DNAJB12: variants seen among roughly 807,000 people sequenced by gnomAD.
DNAJB12 encodes the protein DnaJ heat shock protein family (Hsp40) member B12.
In DNAJB12, 14 loss-of-function variants were observed where a neutral mutation model predicts 40.6. The ratio of observed to expected loss-of-function variants is 0.34; its 90% CI spans 0.23 to 0.54. DNAJB12 has a LOEUF of 0.54. Among genes scored for constraint, DNAJB12 ranks in the 20% least tolerant of loss-of-function variants. The pLI, the probability that DNAJB12 is intolerant of heterozygous loss-of-function variation, is 0.92. For missense variants in DNAJB12, 444 were observed against 501.7 expected, an observed-to-expected ratio of 0.89 and a Z score of 1.10; for synonymous variants, 181 against 199.5, an observed-to-expected ratio of 0.91 and a Z score of 0.78.
chr10:72,345,071 T>G lies in DNAJB12; in HGVS notation c.190A>C (p.Thr64Pro), dbSNP rs920079937. ...PQTAGDQPPPTDTTHATHRKA... is the reference protein window; with the variant it reads ...PQTAGDQPPPPDTTHATHRKA... ...CTGTGGGTGGCATGGGTTGTGTCTG[T>G]GGGTGGGGGTTGGTCACCGGCAGTC... The change falls in exon 2 of 9, where the codon ACA becomes CCA. Residue 64 changes from threonine to proline, a missense_variant. Transcript: ENST00000444643. The G allele has an allele frequency of 1.2e-6, 2 of 1,614,120 alleles. No homozygotes were observed. The highest frequency in any genetic ancestry group is 1.7e-6 in the Non-Finnish European group (2 of 1,179,996).
Position 72,335,094 on chromosome 10 carries a change from G to A in DNAJB12, c.*31-477C>T, listed in dbSNP as rs1757554459. On this transcript the variant is annotated intron_variant, in intron 8 of 8. Coordinates refer to ENST00000444643, the MANE Select transcript of DNAJB12 (RefSeq NM_017626.7). The surrounding 1 kb of genome is among the most constrained non-coding windows in gnomAD (Gnocchi z 4.4). ...CTGTTCCCTTCCTCAGACCGCAGGCGAGATGCCTGGGCAAGGCCGGATGCC... is the reference window on the plus strand; with the variant it reads ...CTGTTCCCTTCCTCAGACCGCAGGCAAGATGCCTGGGCAAGGCCGGATGCC... 11 of 991,214 alleles carry A rather than the reference G, an allele frequency of 1.1e-5. No homozygotes were observed. The highest frequency in any genetic ancestry group is 1.7e-5 in the African/African-American group (1 of 57,404). The allele number at this position is 991,214 out of a possible 1,614,324, so 61.4% of individuals were successfully genotyped here.
chr10:72,337,127 C>T (rs1861500026), intron 6 of DNAJB12, among the ~76,000 whole-genome samples: 1 of 152,198 alleles, frequency 6.6e-6, no homozygotes, highest in South Asian at 2.1e-4. Context: ...GGAAGGGCTC[C>T]AGGGAGCCTT....
chr10:72,344,926 TC>T, intron 2 of DNAJB12, 23 bp downstream of exon 2: 1 of 1,613,850 alleles, frequency 6.2e-7, no homozygotes, highest in Non-Finnish European at 8.5e-7. Flanking sequence ...CTCCCCAGGC[TC>T]CAGCCCCTGC....
intron 3 of DNAJB12, among the ~76,000 whole-genome samples, chr10:72,342,665 G>A (rs1360410691): frequency 1.3e-5 from 2 of 152,224 alleles, no homozygotes; most frequent in African/African-American, 4.8e-5. Flanking sequence ...CCAAGGAGGT[G>A]GATGAAGTGG....
intron 1 of DNAJB12, 87 bp from the exon 2 acceptor site, chr10:72,345,214 C>G: frequency 2.0e-6 from 3 of 1,498,392 alleles, no homozygotes; most frequent in Admixed American, 2.0e-5. Context: ...CACTCACTTC[C>G]CCTCCCAGCA....
At chr10:72,336,989 G>T in intron 6 of DNAJB12, 1 of 277,684 alleles carries the variant, frequency 3.6e-6, no homozygotes, top group Non-Finnish European at 6.8e-6. Context: ...AGACCTGAGA[G>T]GGAATCTGGG....
chr10:72,343,471 T>G lies in DNAJB12; in HGVS notation c.352A>C (p.Ser118Arg). Reference sequence around the variant, plus strand: ...AGGTCCTCATCCGAGGCCCCTCTGCTCACCCCCAGGATCTCATAGTAATCT... The same window carrying G: ...AGGTCCTCATCCGAGGCCCCTCTGCGCACCCCCAGGATCTCATAGTAATCT... ...CKDYYEILGV[S>R]RGASDEDLKK... Residue 118 changes from serine to arginine, a missense_variant, in exon 3 of 9, where the codon AGC (serine) becomes CGC (arginine). Coordinates refer to ENST00000444643, the MANE Select transcript of DNAJB12 (RefSeq NM_017626.7). The G allele has an allele frequency of 6.2e-7, 1 of 1,614,156 alleles. No individual in the cohort carries two copies. Among genetic ancestry groups the G allele is most frequent in the Non-Finnish European group, 8.5e-7 (1 of 1,180,022 alleles).
rs1861435318 is a variant in DNAJB12 at position 72,335,172 on chromosome 10, C to A, written c.*31-555G>T. 2.0e-6 allele frequency: 2 copies of A among 987,730 alleles called. No individual in the cohort carries two copies. The highest frequency in any genetic ancestry group is 6.1e-5 in the Admixed American group (1 of 16,476). The allele number at this position is 987,730 out of a possible 1,614,324, so 61.2% of individuals were successfully genotyped here. Reference sequence around the variant, plus strand: ...GGCATTCGAGAGAGTGCCTCAGATCCCACCAGAGGGGGGTGGTCAGGGCCC... The same window carrying A: ...GGCATTCGAGAGAGTGCCTCAGATCACACCAGAGGGGGGTGGTCAGGGCCC... On this transcript the variant is annotated intron_variant, in intron 8 of 8. Coordinates refer to ENST00000444643, the MANE Select transcript of DNAJB12 (RefSeq NM_017626.7). This position sits in a 1 kb window ranked among gnomAD's most constrained non-coding sequence, Gnocchi z 4.4.
intron 3 of DNAJB12, among the ~76,000 whole-genome samples, chr10:72,342,394 A>T (rs945208105): frequency 3.9e-5 from 6 of 152,262 alleles, no homozygotes; most frequent in South Asian, 4.2e-4. Context: ...CTCCTCCGCC[A>T]ATTCTGAATA....
chr10:72,352,720 G>A (rs1292065848), intron 1 of DNAJB12, among the ~76,000 whole-genome samples: 1 of 152,042 alleles, frequency 6.6e-6, no homozygotes, highest in Non-Finnish European at 1.5e-5. Flanking sequence ...TAGATTATAA[G>A]CTCTTTTGAG....
At chr10:72,345,191 G>T in intron 1 of DNAJB12, 64 bp from the exon 2 acceptor site, 4 of 1,540,886 alleles carry the variant, frequency 2.6e-6, no homozygotes, top group Non-Finnish European at 3.5e-6. Flanking sequence ...TCGCCGAGCG[G>T]CCCGCTGCTT....
intron 1 of DNAJB12, among the ~76,000 whole-genome samples, chr10:72,346,999 C>G (rs1396040482): frequency 1.3e-5 from 2 of 150,536 alleles, no homozygotes; most frequent in African/African-American, 4.9e-5. Flanking sequence ...GAGTCTCACT[C>G]TGTTGCCCAG....
In DNAJB12 at chr10:72,335,065, C is replaced by T; in HGVS notation, c.*31-448G>A. 1.0e-6 allele frequency: 1 copy of T among 998,974 alleles called. No homozygotes were observed. Among genetic ancestry groups the T allele is most frequent in the Non-Finnish European group, 1.2e-6 (1 of 838,340 alleles). 61.9% of individuals were successfully genotyped at this position (998,974 alleles called of 1,614,324 possible). On this transcript the variant is annotated intron_variant, in intron 8 of 8. Transcript: ENST00000444643. The surrounding 1 kb of genome is among the most constrained non-coding windows in gnomAD (Gnocchi z 4.4). ...GCTGCGTCTGACCCTGAACTCATGA[C>T]CTTCTGTTCCCTTCCTCAGACCGCA...
chr10:72,341,925 C>T (rs1447371135), intron 3 of DNAJB12, among the ~76,000 whole-genome samples: 3 of 152,206 alleles, frequency 2.0e-5, no homozygotes, highest in Non-Finnish European at 4.4e-5. Context: ...GTTCTCTCTC[C>T]GACTTTATGA....
In DNAJB12 at chr10:72,343,447, G is replaced by A. The variant is rs1181097335; in HGVS notation, c.376C>T (p.Leu126=). ...GVSRGASDED[L]KKAYRRLALK... is the part of the protein sequence containing the mutation. ...GCCAGTCTGCGGTAGGCCTTCTTCAGGTCCTCATCCGAGGCCCCTCTGCTC... is the reference window on the plus strand; with the variant it reads ...GCCAGTCTGCGGTAGGCCTTCTTCAAGTCCTCATCCGAGGCCCCTCTGCTC... The change falls in exon 3 of 9, where the codon CTG becomes TTG. Residue 126 remains leucine, a synonymous_variant. Transcript: ENST00000444643. 1 of 1,614,200 alleles carries A rather than the reference G, an allele frequency of 6.2e-7. No homozygotes were observed. Among genetic ancestry groups the A allele is most frequent in the Non-Finnish European group, 8.5e-7 (1 of 1,180,022 alleles).
At chr10:72,343,604 C>A in intron 2 of DNAJB12, 93 bp from the exon 3 acceptor site, 5 of 1,419,386 alleles carry the variant, frequency 3.5e-6, no homozygotes, top group Non-Finnish European at 4.9e-6. Flanking sequence ...CAGCTCTGGG[C>A]AGGCTGCGGG....
intron 2 of DNAJB12, among the ~76,000 whole-genome samples, 178 bp from the exon 3 acceptor site, chr10:72,343,689 C>G (rs533515339): frequency 6.6e-6 from 1 of 151,960 alleles, no homozygotes; most frequent in Non-Finnish European, 1.5e-5. Flanking sequence ...AAGTGGGCAC[C>G]AAATGTGATG....
chr10:72,338,118 C>T (rs1285964004), intron 6 of DNAJB12, 84 bp downstream of exon 6: 2 of 1,162,454 alleles, frequency 1.7e-6, no homozygotes, highest in Non-Finnish European at 2.6e-6. Flanking sequence ...CTGGCTGGAT[C>T]AGGATGGGAA....
intron 5 of DNAJB12, among the ~76,000 whole-genome samples, chr10:72,338,557 CAA>C (rs373961270): frequency 9.9e-5 from 12 of 121,578 alleles, no homozygotes; most frequent in Admixed American, 2.5e-4. Flanking sequence ...GACAGAATGC[CAA>C]AAAAAAAAAA....
Sources: allele counts gnomAD v4.1 joint callset (sites outside exome capture counted in the v4.1 genomes callset), GRCh38; gene constraint gnomAD v4.1.1; non-coding constraint Gnocchi (gnomAD v3.1); transcripts MANE v1.5; gene names NCBI Gene and HGNC (gene_info 2026-07-23, HGNC 2026-07-21).